Variants in ITCH observed in about 807,000 individuals in gnomAD.
ITCH encodes the protein E3 ubiquitin-protein ligase Itchy homolog.
ITCH carries 28 observed loss-of-function variants against 126.8 expected under a neutral mutation model. That is an observed-to-expected ratio of 0.22 (90% CI 0.16 to 0.30). The LOEUF (loss-of-function observed/expected upper bound fraction) is 0.30, where lower values mean the gene tolerates loss of function less well. ITCH is among the 10% of genes least tolerant of loss of function. ITCH has a pLI of 1.00. For missense variants in ITCH, 631 were observed against 1,032.4 expected, an observed-to-expected ratio of 0.61 and a Z score of 5.33; for synonymous variants, 342 against 340.0, an observed-to-expected ratio of 1.01 and a Z score of -0.06.
chr20:34,441,889 T>G, intron 9 of ITCH: 1 of 338,132 alleles, frequency 3.0e-6, no homozygotes, highest in South Asian at 2.7e-5. Flanking sequence ...CCTGGCCATT[T>G]CTTTCCACTC....
At chr20:34,454,922 C>T (rs1043310805) in intron 12 of ITCH, among the ~76,000 whole-genome samples, 2 of 149,988 alleles carry the variant, frequency 1.3e-5, no homozygotes, top group Admixed American at 6.7e-5. Context: ...CTCTGCCTCC[C>T]GGGTTCAAGC....
chr20:34,509,009 T>C lies in ITCH; in HGVS notation c.*1215T>C, dbSNP rs1978475080. 1 of 152,516 alleles carries C rather than the reference T, an allele frequency of 6.6e-6. No individual in the cohort carries two copies. The highest frequency in any genetic ancestry group is 2.4e-5 in the African/African-American group (1 of 41,462). The allele number at this position is 152,516 out of a possible 1,614,324, so 9.4% of individuals were successfully genotyped here. A position where few individuals can be genotyped will look rare whatever the true frequency, so the allele number is the denominator to read the frequency against. ...TGTGAATTAAAAGTCTTCAAAGTTATCATTTCTCTGACATATGTTGGAGTA... is the reference window on the plus strand; with the variant it reads ...TGTGAATTAAAAGTCTTCAAAGTTACCATTTCTCTGACATATGTTGGAGTA... On this transcript the variant is annotated 3_prime_UTR_variant, in exon 25 of 25. Transcript: ENST00000374864.
intron 7 of ITCH, among the ~76,000 whole-genome samples, chr20:34,436,374 T>A (rs983570182): frequency 9.8e-5 from 15 of 152,340 alleles, no homozygotes; most frequent in Middle Eastern, 6.8e-3. Context: ...TTCTACTCAT[T>A]GTTATCTGTT....
chr20:34,373,298 G>C (rs2037710424), intron 2 of ITCH, among the ~76,000 whole-genome samples: 1 of 147,426 alleles, frequency 6.8e-6, no homozygotes, highest in African/African-American at 2.5e-5. Context: ...TTTTTTTTGA[G>C]GCAGAGTCTT....
chr20:34,381,395 G>C (rs1445016923), intron 2 of ITCH, among the ~76,000 whole-genome samples: 1 of 151,642 alleles, frequency 6.6e-6, no homozygotes, highest in Admixed American at 6.6e-5. Flanking sequence ...TGATTCTCCT[G>C]CTGGGACTAC....
At chr20:34,381,724 C>A (rs926727284) in intron 2 of ITCH, among the ~76,000 whole-genome samples, 3 of 151,796 alleles carry the variant, frequency 2.0e-5, no homozygotes, top group Non-Finnish European at 2.9e-5. Context: ...CCGCGCCTGG[C>A]GTGTGTGCCT....
At chr20:34,507,263 G>GTTTTTTTTTT (rs776161631) in intron 24 of ITCH, among the ~76,000 whole-genome samples, 92 of 39,136 alleles carry the variant, frequency 2.4e-3, no homozygotes, top group East Asian at 5.3e-3. Context: ...GTTTTCTTCT[G>GTTTTTTTTTT]TTTTTTTTTT....
At chr20:34,366,025 A>T (rs904167294) in intron 1 of ITCH, among the ~76,000 whole-genome samples, 35 of 152,142 alleles carry the variant, frequency 2.3e-4, no homozygotes, top group African/African-American at 8.0e-4. Context: ...AGAAGAGGCA[A>T]GATTTGCCCC....
At chr20:34,470,195 ATACTT>A in intron 15 of ITCH, 75 bp downstream of exon 15, 1 of 1,154,972 alleles carries the variant, frequency 8.7e-7, no homozygotes. Context: ...GATTGTGAAA[ATACTT>A]AACTCACAGA....
At chr20:34,444,743 G>C (rs1041047200) in intron 10 of ITCH, among the ~76,000 whole-genome samples, 2 of 152,188 alleles carry the variant, frequency 1.3e-5, no homozygotes, top group Admixed American at 1.3e-4. Flanking sequence ...ATAGGTTCAA[G>C]CAGTTCTCCT....
In ITCH at chr20:34,481,159, T is replaced by C. The variant is rs765636676; in HGVS notation, c.2046T>C (p.Asn682=). 1 of 1,613,436 alleles carries C rather than the reference T, an allele frequency of 6.2e-7. No individual in the cohort carries two copies. Among genetic ancestry groups the C allele is most frequent in the African/African-American group, 1.3e-5 (1 of 75,052 alleles). ...GEIKSHDLKP[N]GGNILVTEEN... is the part of the protein sequence containing the mutation. ...TTAAGAGTCATGATCTGAAACCTAA[T>C]GGTGGCAATATTCTTGTAACAGAAG... Residue 682 remains asparagine, a synonymous_variant, in exon 20 of 25, where the codon AAT becomes AAC. Transcript: ENST00000374864.
chr20:34,451,746 T>C (rs1600373590), intron 12 of ITCH, among the ~76,000 whole-genome samples: 1 of 152,226 alleles, frequency 6.6e-6, no homozygotes, highest in Middle Eastern at 3.4e-3. Context: ...TAAAATGATA[T>C]ATCCAAAGGA....
At chr20:34,434,340 C>G in intron 7 of ITCH, among the ~76,000 whole-genome samples, 1 of 151,962 alleles carries the variant, frequency 6.6e-6, no homozygotes, top group Non-Finnish European at 1.5e-5. Context: ...ACTATATTAA[C>G]TGCATTTTAA....
intron 12 of ITCH, among the ~76,000 whole-genome samples, chr20:34,453,797 C>T (rs1016051065): frequency 6.6e-6 from 1 of 151,976 alleles, no homozygotes. Context: ...AGTTCGTGAT[C>T]AGCCTGGCCA....
At chr20:34,472,640 A>C (rs1413159194) in intron 16 of ITCH, among the ~76,000 whole-genome samples, 1 of 152,220 alleles carries the variant, frequency 6.6e-6, no homozygotes, top group Non-Finnish European at 1.5e-5. Context: ...AAGGGAAAAG[A>C]GGTTGAGACA....
chr20:34,418,098 C>G (rs1217986318), intron 6 of ITCH, among the ~76,000 whole-genome samples: 1 of 151,584 alleles, frequency 6.6e-6, no homozygotes, highest in East Asian at 1.9e-4. Flanking sequence ...TCCCCAGTAG[C>G]TAGGACTACA....
At chr20:34,400,452 A>G (rs1469190979) in intron 3 of ITCH, among the ~76,000 whole-genome samples, 1 of 152,060 alleles carries the variant, frequency 6.6e-6, no homozygotes, top group African/African-American at 2.4e-5. Flanking sequence ...AGAAGAGAGT[A>G]CACAAAACTT....
intron 14 of ITCH, among the ~76,000 whole-genome samples, chr20:34,464,959 C>T (rs1050525535): frequency 3.9e-5 from 6 of 152,268 alleles, no homozygotes; most frequent in African/African-American, 1.2e-4. Flanking sequence ...TCCACACCCC[C>T]TCAGCCTCCC....
In ITCH at chr20:34,510,469, T is replaced by TTTAC. The variant is rs1978666505; in HGVS notation, c.*2676_*2677insTACT. Reference sequence around the variant, plus strand: ...TTTTTTTTTTTTTTTTTTTTTTTTTTTACTGCATGTTACATTGAAATAAAA... The same window carrying TTTAC: ...TTTTTTTTTTTTTTTTTTTTTTTTTTTTACTACTGCATGTTACATTGAAATAAAA... On this transcript the variant is annotated 3_prime_UTR_variant, in exon 25 of 25. Coordinates refer to ENST00000374864, the MANE Select transcript of ITCH (RefSeq NM_031483.7). 8.1e-6 allele frequency: 1 copy of TTTAC among 123,848 alleles called. No homozygotes were observed. The highest frequency in any genetic ancestry group is 2.7e-4 in the South Asian group (1 of 3,764). 7.7% of individuals were successfully genotyped at this position (123,848 alleles called of 1,614,324 possible). A position where few individuals can be genotyped will look rare whatever the true frequency, so the allele number is the denominator to read the frequency against.
Sources: gnomAD v4.1 joint callset for allele counts (sites outside exome capture counted in the v4.1 genomes callset) on GRCh38, gnomAD v4.1.1 for gene constraint, MANE v1.5 for transcripts, NCBI Gene and HGNC (gene_info 2026-07-23, HGNC 2026-07-21) for gene names.